CKAP5: variants seen among roughly 807,000 people sequenced by gnomAD.
The protein encoded by CKAP5 is cytoskeleton associated protein 5, also known as cytoskeleton-associated protein 5.
In CKAP5, 27 loss-of-function variants were observed where a neutral mutation model predicts 232.8. The observed-to-expected ratio is 0.12, with a 90% CI of 0.09 to 0.16. The LOEUF is 0.16. Ranked by LOEUF, CKAP5 falls within the 10% of genes least tolerant of loss-of-function variation. CKAP5 has a pLI of 1.00. For missense variants in CKAP5, 1,838 were observed against 2,424.7 expected (o/e 0.76, Z 5.08); for synonymous variants, 785 against 841.1 (o/e 0.93, Z 1.16).
chr11:46,751,042 TG>T (rs775460258), intron 40 of CKAP5, 75 bp downstream of exon 40: 59 of 1,561,354 alleles, frequency 3.8e-5, no homozygotes, highest in Non-Finnish European at 5.1e-5. Context: ...AAGCATATCC[TG>T]GTGACCTACA....
intron 38 of CKAP5, 141 bp from the exon 39 acceptor site, chr11:46,751,675 G>T: frequency 1.4e-6 from 1 of 699,378 alleles, no homozygotes; most frequent in Non-Finnish European, 2.3e-6. Context: ...TTCAAGTTCA[G>T]CTGCTAAAAC....
rs2065004789 is a variant in CKAP5 at position 46,744,081 on chromosome 11, G to A, written c.6041C>T (p.Thr2014Ile). ...SSGTVTSSSS[T>I]ANIDDLKKRL... ...TTTTTTCAAGTCGTCTATGTTAGCT[G>A]TGGAGGAGGAGGAGGTCACAGTTCC... The change falls in exon 44 of 44, where the codon ACA becomes ATA. Residue 2014 changes from threonine (T) to isoleucine (I), a missense_variant. Thr to Ile is a moderately conservative substitution (Grantham distance 89). This residue lies in a region of CKAP5 where 62 missense variants were observed against 61.1 expected (regional missense o/e 1.01). Transcript: ENST00000529230. 3 of 1,614,012 alleles carry A rather than the reference G, an allele frequency of 1.9e-6. No individual in the cohort carries two copies. Among genetic ancestry groups the A allele is most frequent in the Non-Finnish European group, 2.5e-6 (3 of 1,180,034 alleles).
chr11:46,744,555 G>A lies in CKAP5; in HGVS notation c.5727C>T (p.Val1909=). The A allele has an allele frequency of 6.2e-7, 1 of 1,614,068 alleles. No individual in the cohort carries two copies. ...TSTGISPQME[V]TCVPTPTSTV... is the part of the protein sequence containing the mutation. ...TGCTTGTGGGCGTGGGCACACATGT[G>A]ACTTCCATCTGAGGGGAGATGCCTA... is the stretch of plus-strand genomic sequence containing the variant. The change falls in exon 43 of 44, where the codon GTC becomes GTT. Residue 1909 remains valine (V), a synonymous_variant. Transcript: ENST00000529230.
chr11:46,752,263 G>T (rs2065074986), intron 38 of CKAP5, among the ~76,000 whole-genome samples: 2 of 135,452 alleles, frequency 1.5e-5, no homozygotes, highest in Admixed American at 7.7e-5. Flanking sequence ...AACATATTAA[G>T]ATATACATAT....
chr11:46,751,498 T>C lies in CKAP5; in HGVS notation c.5170A>G (p.Ile1724Val). 1.2e-6 allele frequency: 2 copies of C among 1,613,890 alleles called. No homozygotes were observed. Among genetic ancestry groups the C allele is most frequent in the Non-Finnish European group, 1.7e-6 (2 of 1,179,928 alleles). The change falls in exon 39 of 44, where the codon ATC becomes GTC. Residue 1724 changes from isoleucine to valine, a missense_variant. By Grantham distance (29) the Ile-to-Val change is conservative. Around this residue, in one of 6 missense-constraint regions of CKAP5, gnomAD observed 579 missense variants for 843.2 expected, o/e 0.69. Coordinates refer to ENST00000529230, the MANE Select transcript of CKAP5 (RefSeq NM_001008938.4). ...ATTCTGTCTAGGTTAATGCTATTGA[T>C]GGTATCAGGCAACAGTCGAACCATT... ...WRMVRLLPDT[I>V]NSINLDRILL...
chr11:46,805,473 G>C (rs545528506), intron 8 of CKAP5, among the ~76,000 whole-genome samples: 17 of 152,208 alleles, frequency 1.1e-4, no homozygotes, highest in African/African-American at 4.1e-4. Flanking sequence ...TAATTATAAG[G>C]AGGGAAAAAG....
chr11:46,763,169 C>T lies in CKAP5; in HGVS notation c.3698G>A (p.Ser1233Asn). 3 of 1,611,246 alleles carry T rather than the reference C, an allele frequency of 1.9e-6. No homozygotes were observed. The highest frequency in any genetic ancestry group is 2.5e-6 in the Non-Finnish European group (3 of 1,178,056). Residue 1233 changes from serine to asparagine, a missense_variant, in exon 30 of 44, where the codon AGT becomes AAT. Transcript: ENST00000529230. ...GCAACCAATAACTCCTTCTTTTTCA[C>T]TCTCCAAGTGCTTAAAATAAAACAA... ...ALAVMVDHLESEKEGVIGCLD... is the reference protein window; with the variant it reads ...ALAVMVDHLENEKEGVIGCLD...
Position 46,795,619 on chromosome 11 carries a change from G to C in CKAP5, c.1625C>G (p.Pro542Arg). Residue 542 changes from proline (P) to arginine (R), a missense_variant, in exon 13 of 44, where the codon CCT (proline) becomes CGT (arginine). This residue lies in a region of CKAP5 where 767 missense variants were observed against 954.6 expected (regional missense o/e 0.80). Coordinates refer to ENST00000529230, the MANE Select transcript of CKAP5 (RefSeq NM_001008938.4). The stretch of plus-strand genomic sequence containing the variant: ...CTTAGCAGCAGGTGCCTTTTTTAGA[G>C]GTCCTGGTTTGGGTGCAGAAATGTC... ...TKDISAPKPG[P>R]LKKAPAAKAG... 1 of 1,613,068 alleles carries C rather than the reference G, an allele frequency of 6.2e-7. No individual in the cohort carries two copies. The highest frequency in any genetic ancestry group is 1.1e-5 in the South Asian group (1 of 90,932).
intron 1 of CKAP5, among the ~76,000 whole-genome samples, chr11:46,835,722 C>T (rs1411752847): frequency 6.6e-6 from 1 of 152,068 alleles, no homozygotes; most frequent in East Asian, 1.9e-4. Context: ...TACAAAATTC[C>T]GAATATATGT....
intron 26 of CKAP5, 105 bp from the exon 27 acceptor site, chr11:46,767,768 G>A (rs573672063): frequency 1.5e-5 from 10 of 646,574 alleles, no homozygotes; most frequent in African/African-American, 5.6e-5. Context: ...AGTCTTAAAT[G>A]TATCAATTTA....
rs142082942 is a variant in CKAP5, at chr11:46,790,671, C to A, written c.1651-88G>T. ...ATTTTTATTTTTTTTGAGACAGTGT[C>A]TCATATTGTTGTCGAGCCTGGAATG... On this transcript the variant is annotated intron_variant, in intron 13 of 43. Coordinates refer to ENST00000529230, the MANE Select transcript of CKAP5 (RefSeq NM_001008938.4). 9.7e-4 allele frequency: 896 copies of A among 927,506 alleles called. 7 individuals are homozygous for A. The highest frequency in any genetic ancestry group is 5.2e-3 in the African/African-American group (308 of 59,676). The allele number at this position is 927,506 out of a possible 1,614,324, so 57.5% of individuals were successfully genotyped here.
chr11:46,812,318 G>A (rs1469896401), intron 4 of CKAP5, among the ~76,000 whole-genome samples: 4 of 151,870 alleles, frequency 2.6e-5, no homozygotes, highest in Non-Finnish European at 5.9e-5. Context: ...CTGGGCAACA[G>A]AGCAAGGTTC....
At chr11:46,786,327 G>A (rs2065392773) in intron 16 of CKAP5, among the ~76,000 whole-genome samples, 1 of 152,198 alleles carries the variant, frequency 6.6e-6, no homozygotes, top group African/African-American at 2.4e-5. Flanking sequence ...TGGCAACTAT[G>A]AAAACCTAGA....
chr11:46,798,273 T>TA (rs1005962374), intron 9 of CKAP5, 101 bp from the exon 10 acceptor site: 400 of 865,276 alleles, frequency 4.6e-4, no homozygotes, highest in African/African-American at 9.7e-4. Flanking sequence ...TATGCTAAGT[T>TA]AAAAAAAAAG....
chr11:46,778,312 C>T lies in CKAP5; in HGVS notation c.2575G>A (p.Asp859Asn). Residue 859 changes from aspartate to asparagine, a missense_variant and splice_region_variant, in exon 22 of 44, where the codon GAT becomes AAT. Asp to Asn is a conservative substitution (Grantham distance 23). Transcript: ENST00000529230. ...GATACCAACTCTGAAGTGATTTTAT[C>T]ACTGAAAAACAGAAAATAACCTTTA... is the stretch of plus-strand genomic sequence containing the variant. ...VDLLPRTEIS[D>N]KITSELVSKI... 1.2e-6 allele frequency: 2 copies of T among 1,611,026 alleles called. No individual in the cohort carries two copies. Among genetic ancestry groups the T allele is most frequent in the Non-Finnish European group, 1.7e-6 (2 of 1,178,802 alleles).
chr11:46,801,390 C>T, intron 8 of CKAP5, 86 bp from the exon 9 acceptor site: 1 of 1,027,240 alleles, frequency 9.7e-7, no homozygotes, highest in Admixed American at 1.9e-5. Flanking sequence ...AACTCTGAGG[C>T]CGGGTGCAGC....
chr11:46,767,029 T>C (rs78875066), intron 27 of CKAP5, among the ~76,000 whole-genome samples: 1 of 136,372 alleles, frequency 7.3e-6, no homozygotes, highest in East Asian at 2.0e-4. Context: ...TGCTTTCTCC[T>C]TTTTTTTTTT....
intron 7 of CKAP5, among the ~76,000 whole-genome samples, chr11:46,808,601 T>C (rs1011726848): frequency 5.9e-5 from 9 of 152,222 alleles, no homozygotes; most frequent in East Asian, 1.9e-4. Context: ...ATTTTGTTCA[T>C]ATATATAAAT....
chr11:46,747,174 T>C (rs1180092278), intron 42 of CKAP5, among the ~76,000 whole-genome samples: 2 of 152,096 alleles, frequency 1.3e-5, no homozygotes, highest in African/African-American at 4.8e-5. Flanking sequence ...ATATATGCAG[T>C]CCATCACTGG....
Sources: gnomAD v4.1 joint callset for allele counts (sites outside exome capture counted in the v4.1 genomes callset) on GRCh38, gnomAD v4.1.1 for gene constraint, gnomAD v4.1.1 regional missense constraint, MANE v1.5 for transcripts, NCBI Gene and HGNC (gene_info 2026-07-23, HGNC 2026-07-21) for gene names.